Variants in SPATA6L observed in about 807,000 individuals in gnomAD.
The protein encoded by SPATA6L is spermatogenesis associated 6-like protein.
Under a neutral mutation model 49.2 loss-of-function variants are expected in SPATA6L, and 68 were observed. That is an observed-to-expected ratio of 1.38 (90% confidence interval 1.14 to 1.69). The LOEUF is 1.69. SPATA6L is among the 40% of genes most tolerant of loss of function. SPATA6L has a pLI of 0.00. For missense variants in SPATA6L, 668 were observed against 464.3 expected (o/e 1.44, Z -4.03); for synonymous variants, 198 against 165.7 (o/e 1.19, Z -1.50).
At chr9:4,593,845 C>G (rs1270181884), downstream of SPATA6L, among the ~76,000 whole-genome samples, 1 of 152,166 alleles carries the variant, frequency 6.6e-6, no homozygotes, top group African/African-American at 2.4e-5. Flanking sequence ...TCCTGCTGCT[C>G]CCTTACTGTG....
chr9:4,666,215 C>G lies in SPATA6L; in HGVS notation c.36G>C (p.Arg12=). 1 of 1,614,090 alleles carries G rather than the reference C, an allele frequency of 6.2e-7. No homozygotes were observed. The highest frequency in any genetic ancestry group is 8.5e-7 in the Non-Finnish European group (1 of 1,180,022). The change falls in exon 1 of 12, where the codon CGG becomes CGC. Residue 12 remains arginine, a synonymous_variant. Coordinates refer to ENST00000682582, the MANE Select transcript of SPATA6L (RefSeq NM_001353486.2). ...PLEVVVELQI[R]AISCPGVFLP... ...GGGGAGTTCATCGATCTCTTACCGC[C>G]CGGATCTGCAGCTCCACCACCACCT...
chr9:4,612,415 A>G (rs148249836), intron 9 of SPATA6L, among the ~76,000 whole-genome samples: 335 of 152,186 alleles, frequency 2.2e-3, no homozygotes, highest in African/African-American at 5.7e-3. Context: ...TTCCATAGGC[A>G]TTTGGCAACA....
At chr9:4,612,961 C>G (rs1302015468) in intron 9 of SPATA6L, among the ~76,000 whole-genome samples, 1 of 152,130 alleles carries the variant, frequency 6.6e-6, no homozygotes, top group Non-Finnish European at 1.5e-5. Context: ...GGCGCAGTGG[C>G]TCACACCTAT....
chr9:4,661,763 T>C, intron 2 of SPATA6L, 136 bp downstream of exon 2: 1 of 1,201,216 alleles, frequency 8.3e-7, no homozygotes, highest in Non-Finnish European at 1.1e-6. Flanking sequence ...ACTGCGGTTT[T>C]GCATTGTGCT....
chr9:4,646,517 T>C (rs752483099), intron 3 of SPATA6L: 2 of 1,506,976 alleles, frequency 1.3e-6, no homozygotes, highest in Non-Finnish European at 1.8e-6. Context: ...AATTCAAACC[T>C]GGCTAGGAAG....
At position 4,662,553 on chromosome 9, in the gene SPATA6L, G is replaced by C; in HGVS notation, c.40-517C>G. The C allele has an allele frequency of 6.3e-7, 1 of 1,577,884 alleles. No homozygotes were observed. The stretch of plus-strand genomic sequence containing the variant: ...GGACCCCACCTGCGCCCGGCTCCGT[G>C]CATCGGAGAGCCCAGTTCACCGCCG... On this transcript the variant is annotated intron_variant, in intron 1 of 11. Transcript: ENST00000682582. The surrounding 1 kb of genome is among the most constrained non-coding windows in gnomAD (Gnocchi z 4.9).
At chr9:4,653,555 A>G (rs2130739720) in intron 3 of SPATA6L, among the ~76,000 whole-genome samples, 1 of 152,354 alleles carries the variant, frequency 6.6e-6, no homozygotes, top group East Asian at 1.9e-4. Flanking sequence ...TACCATCAAG[A>G]AAGTGAAAGA....
intron 3 of SPATA6L, among the ~76,000 whole-genome samples, chr9:4,648,526 C>T (rs1383561303): frequency 6.6e-6 from 1 of 151,740 alleles, no homozygotes; most frequent in Non-Finnish European, 1.5e-5. Flanking sequence ...CGGTGAAACC[C>T]CGTCTCTACT....
chr9:4,646,529 C>G, intron 3 of SPATA6L: 1 of 1,492,128 alleles, frequency 6.7e-7, no homozygotes, highest in Non-Finnish European at 8.9e-7. Flanking sequence ...GCTAGGAAGC[C>G]TAAAAAGGAA....
intron 3 of SPATA6L, among the ~76,000 whole-genome samples, chr9:4,654,381 G>C (rs1362303813): frequency 6.6e-6 from 1 of 152,180 alleles, no homozygotes; most frequent in East Asian, 1.9e-4. Context: ...CAGACAGACG[G>C]GGGCAGGCTG....
In SPATA6L at chr9:4,618,031, G is replaced by C. The variant is rs1417453496; in HGVS notation, c.887C>G (p.Ser296Cys). The change falls in exon 9 of 12, where the codon TCT (serine) becomes TGT (cysteine). Residue 296 changes from serine to cysteine, a missense_variant. Ser to Cys is a moderately radical substitution (Grantham distance 112). Coordinates refer to ENST00000682582, the MANE Select transcript of SPATA6L (RefSeq NM_001353486.2). ...SCLDSSQFGK[S>C]SSSKQGDADF... ...AGCATCCCCTTGTTTACTGGATGAA[G>C]ACTTTCCAAACTGACTTGAATCTAA... 1.9e-6 allele frequency: 3 copies of C among 1,613,956 alleles called. No homozygotes were observed. In the Admixed American group the frequency reaches 5.0e-5, roughly 27 times the overall value.
chr9:4,652,458 T>A (rs1216429418), intron 3 of SPATA6L, among the ~76,000 whole-genome samples: 2 of 152,108 alleles, frequency 1.3e-5, no homozygotes, highest in East Asian at 3.8e-4. Context: ...GAATGAAATT[T>A]TTAAAAATTC....
At chr9:4,627,724 A>G (rs968467693) in intron 5 of SPATA6L, 5 of 1,288,838 alleles carry the variant, frequency 3.9e-6, no homozygotes, top group Middle Eastern at 2.1e-4. Context: ...GGTAGTACAC[A>G]TGGATGCCCT....
intron 4 of SPATA6L, among the ~76,000 whole-genome samples, chr9:4,631,948 G>A (rs1256163112): frequency 3.9e-5 from 6 of 151,914 alleles, no homozygotes; most frequent in East Asian, 1.9e-4. Context: ...CACCTCACAA[G>A]GTGAAGGAGG....
chr9:4,638,763 CTCTTTTCTTT>C lies in SPATA6L; in HGVS notation c.227-3374_227-3365del, dbSNP rs531360522. Among the ~76,000 whole-genome samples the C allele has an allele frequency of 9.7e-3, 1,444 of 149,130 alleles. 26 individuals carry two copies. Among genetic ancestry groups the C allele is most frequent in the African/African-American group, 0.034 (1,335 of 39,186 alleles). On this transcript the variant is annotated intron_variant, in intron 3 of 11. Coordinates refer to ENST00000682582, the MANE Select transcript of SPATA6L (RefSeq NM_001353486.2). The stretch of plus-strand genomic sequence containing the variant: ...CTCCTGAAGCTTATAGTGTTAAGAA[CTCTTTTCTTT>C]TCTTTTCTTTTCTTTTCTTTTTTTT...
chr9:4,657,015 A>G (rs1838428606), intron 2 of SPATA6L, among the ~76,000 whole-genome samples: 1 of 152,244 alleles, frequency 6.6e-6, no homozygotes, highest in Admixed American at 6.5e-5. Flanking sequence ...AAGCACAAGA[A>G]AAACATTGTA....
At chr9:4,639,146 T>C (rs1159472069) in intron 3 of SPATA6L, among the ~76,000 whole-genome samples, 1 of 152,174 alleles carries the variant, frequency 6.6e-6, no homozygotes, top group Non-Finnish European at 1.5e-5. Context: ...GCACCTGACA[T>C]TGCCTACCAT....
intron 9 of SPATA6L, among the ~76,000 whole-genome samples, chr9:4,606,067 T>G (rs1371660745): frequency 6.6e-6 from 1 of 152,000 alleles, no homozygotes; most frequent in Non-Finnish European, 1.5e-5. Flanking sequence ...ACCTGGAAAA[T>G]CGGGTCACTC....
intron 13 of SPATA6L, among the ~76,000 whole-genome samples, chr9:4,592,816 T>G (rs1347805777): frequency 6.6e-6 from 1 of 152,164 alleles, no homozygotes; most frequent in African/African-American, 2.4e-5. Context: ...GAGAGGAAAC[T>G]TTTGGAGATG....
Sources: allele counts gnomAD v4.1 joint callset (sites outside exome capture counted in the v4.1 genomes callset), GRCh38; gene constraint gnomAD v4.1.1; non-coding constraint Gnocchi (gnomAD v3.1); transcripts MANE v1.5; gene names NCBI Gene and HGNC (gene_info 2026-07-23, HGNC 2026-07-21).